The following TMEM237 variants were observed in gnomAD, a reference collection of about 807,000 sequenced individuals.
TMEM237 encodes amyotrophic lateral sclerosis 2 (juvenile) chromosome region, candidate 4.
A neutral mutation model predicts 59.1 loss-of-function variants in TMEM237; 51 were observed. The ratio of observed to expected loss-of-function variants is 0.86; its 90% CI spans 0.69 to 1.09. TMEM237 has a LOEUF of 1.09. TMEM237 is among the 50% of genes least tolerant of loss of function. TMEM237 has a pLI of 0.00. For missense variants in TMEM237, 475 were observed against 478.3 expected, an observed-to-expected ratio of 0.99 and a Z score of 0.06; for synonymous variants, 140 against 166.1, an observed-to-expected ratio of 0.84 and a Z score of 1.21.
In TMEM237 at chr2:201,633,398, G is replaced by C; in HGVS notation, c.308C>G (p.Ser103Cys). The change falls in exon 6 of 13, where the codon TCT (serine) becomes TGT (cysteine). Residue 103 changes from serine (S) to cysteine (C), a missense_variant. Ser to Cys is a moderately radical substitution (Grantham distance 112). Transcript: ENST00000409883. The part of the protein sequence containing the change: ...LETSSTQKKS[S>C]SSSLLRNENG... Reference sequence around the variant, plus strand: ...TTCATTTCGTAATAAAGATGAACTAGATGACTTCTTTTGGGTGGAGGAAGT... The same window carrying C: ...TTCATTTCGTAATAAAGATGAACTACATGACTTCTTTTGGGTGGAGGAAGT... 1 of 1,574,568 alleles carries C rather than the reference G, an allele frequency of 6.4e-7. No homozygotes were observed. The highest frequency in any genetic ancestry group is 8.6e-7 in the Non-Finnish European group (1 of 1,159,324).
Position 201,626,086 on chromosome 2 carries a change from G to A in TMEM237, c.1099C>T (p.Leu367Phe). Residue 367 changes from leucine to phenylalanine, a missense_variant, in exon 12 of 13, where the codon CTT becomes TTT. Coordinates refer to ENST00000409883, the MANE Select transcript of TMEM237 (RefSeq NM_001044385.3). ...AATAGCCAAGATAATCCAACCAGAA[G>A]AGCCACCACGAGATTCACCACAATC... Reference protein sequence around the residue: ...PWIVVNLVVALLVGLSWLFLS... With the variant: ...PWIVVNLVVAFLVGLSWLFLS... 6.2e-7 allele frequency: 1 copy of A among 1,608,572 alleles called. No homozygotes were observed. Among genetic ancestry groups the A allele is most frequent in the Non-Finnish European group, 8.5e-7 (1 of 1,177,358 alleles).
chr2:201,634,238 T>C (rs1192312442), intron 5 of TMEM237: 2 of 152,218 alleles, frequency 1.3e-5, no homozygotes, highest in Non-Finnish European at 2.9e-5. Flanking sequence ...TAAGTTTAAA[T>C]GAGTCAGTGA....
At chr2:201,640,985 A>T in intron 1 of TMEM237, 61 bp from the exon 2 acceptor site, 1 of 1,476,150 alleles carries the variant, frequency 6.8e-7, no homozygotes, top group Admixed American at 2.0e-5. Context: ...TACTTCAAAT[A>T]CCATCACGCT....
chr2:201,633,257 A>G, intron 6 of TMEM237, 54 bp downstream of exon 6: 1 of 1,543,728 alleles, frequency 6.5e-7, no homozygotes. Context: ...GGAGCTCCAA[A>G]CAAAGCATCA....
Position 201,626,949 on chromosome 2 carries a change from G to A in TMEM237, c.1037+372C>T, listed in dbSNP as rs968974390. Reference sequence around the variant, plus strand: ...ACAAAAATTAGCCAGGCATGATGGCGGGTGCCTGTAATCCCAGCTACTCAG... The same window carrying A: ...ACAAAAATTAGCCAGGCATGATGGCAGGTGCCTGTAATCCCAGCTACTCAG... On this transcript the variant is annotated intron_variant, in intron 11 of 12. Transcript: ENST00000409883. Among the ~76,000 whole-genome samples, 5 of 152,010 alleles carry A rather than the reference G, an allele frequency of 3.3e-5. No homozygotes were observed. In the East Asian group the frequency reaches 5.8e-4, roughly 18 times the overall value.
chr2:201,629,899 T>C, intron 7 of TMEM237, 47 bp from the exon 8 acceptor site: 1 of 1,579,048 alleles, frequency 6.3e-7, no homozygotes. Flanking sequence ...GAGAGAACCC[T>C]GGTAGCCATT....
chr2:201,639,668 C>T (rs1295615990), intron 3 of TMEM237, among the ~76,000 whole-genome samples: 3 of 152,232 alleles, frequency 2.0e-5, no homozygotes, highest in East Asian at 1.9e-4. Context: ...TGGTGGCACA[C>T]GCCTGTAATC....
At chr2:201,627,456 C>T (rs768941520) in intron 10 of TMEM237, 42 bp from the exon 11 acceptor site, 1 of 1,318,226 alleles carries the variant, frequency 7.6e-7, no homozygotes, top group African/African-American at 1.5e-5. Flanking sequence ...TTTTTAACAA[C>T]CTGGTTTATT....
intron 3 of TMEM237, 44 bp from the exon 4 acceptor site, chr2:201,639,089 T>C: frequency 6.6e-7 from 1 of 1,515,544 alleles, no homozygotes; most frequent in Non-Finnish European, 9.0e-7. Flanking sequence ...GTGCCTAAAA[T>C]TCAATGCAGA....
intron 4 of TMEM237, among the ~76,000 whole-genome samples, chr2:201,637,470 G>A (rs1687319967): frequency 1.3e-5 from 2 of 152,144 alleles, no homozygotes; most frequent in Admixed American, 1.3e-4. Flanking sequence ...TGCACTGGGT[G>A]CAGTGGCTCA....
chr2:201,631,449 A>AGTTAAAT (rs1295997821), intron 7 of TMEM237: 8 of 152,434 alleles, frequency 5.2e-5, no homozygotes, highest in African/African-American at 1.7e-4. Flanking sequence ...ATCTTGCAAA[A>AGTTAAAT]GAATATACAG....
chr2:201,641,127 G>A (rs1287157194), intron 1 of TMEM237, among the ~76,000 whole-genome samples: 2 of 152,080 alleles, frequency 1.3e-5, no homozygotes, highest in South Asian at 2.1e-4. Flanking sequence ...AAGTAGCTGG[G>A]ATTACAGGCA....
intron 11 of TMEM237, among the ~76,000 whole-genome samples, chr2:201,626,794 T>G (rs1957762874): frequency 6.6e-6 from 1 of 152,188 alleles, no homozygotes; most frequent in Non-Finnish European, 1.5e-5. Flanking sequence ...TTTAGAACTA[T>G]AACTTGGCTG....
chr2:201,621,981 A>G lies in TMEM237; in HGVS notation c.*2274T>C, dbSNP rs1484516812. ...ATCACAGTCAAACAATTTTTGAGAC[A>G]CACCAGAAACACCAGGGAAAACAGA... On this transcript the variant is annotated 3_prime_UTR_variant, in exon 13 of 13. Transcript: ENST00000409883. 1 of 152,244 alleles carries G rather than the reference A, an allele frequency of 6.6e-6. No homozygotes were observed. Among genetic ancestry groups the G allele is most frequent in the African/African-American group, 2.4e-5 (1 of 41,452 alleles). 9.4% of individuals were successfully genotyped at this position (152,244 alleles called of 1,614,324 possible).
At chr2:201,639,968 C>T (rs989195705) in intron 3 of TMEM237, among the ~76,000 whole-genome samples, 1 of 152,150 alleles carries the variant, frequency 6.6e-6, no homozygotes, top group Non-Finnish European at 1.5e-5. Flanking sequence ...ACCTTGTCTA[C>T]CCTGACTAAA....
At chr2:201,634,997 G>T (rs2105901561) in intron 5 of TMEM237, 1 of 217,080 alleles carries the variant, frequency 4.6e-6, no homozygotes, top group South Asian at 6.5e-5. Context: ...CCTGAGTTTT[G>T]CTCCAATACA....
At chr2:201,631,927 GT>G in intron 7 of TMEM237, 123 bp downstream of exon 7, 1 of 1,019,318 alleles carries the variant, frequency 9.8e-7, no homozygotes, top group Non-Finnish European at 1.4e-6. Context: ...ATGATGACCA[GT>G]TTTGTGTATA....
At position 201,638,992 on chromosome 2, in the gene TMEM237, G is replaced by T; in HGVS notation, c.133C>A (p.Pro45Thr). Reference sequence around the variant, plus strand: ...ACAACAAAGAATAACGTCTTACCTGGTGTGTTTTTTGTTCTGGGCTTCTTT... The same window carrying T: ...ACAACAAAGAATAACGTCTTACCTGTTGTGTTTTTTGTTCTGGGCTTCTTT... ...KKKKPRTKNT[P>T]ASASLEGLAQ... Residue 45 changes from proline to threonine, a missense_variant, in exon 4 of 13, where the codon CCA becomes ACA. Coordinates refer to ENST00000409883, the MANE Select transcript of TMEM237 (RefSeq NM_001044385.3). 6.3e-7 allele frequency: 1 copy of T among 1,581,772 alleles called. No individual in the cohort carries two copies. The highest frequency in any genetic ancestry group is 2.3e-5 in the East Asian group (1 of 44,052).
At chr2:201,638,012 T>C (rs935831813) in intron 4 of TMEM237, among the ~76,000 whole-genome samples, 12 of 152,212 alleles carry the variant, frequency 7.9e-5, no homozygotes, top group Non-Finnish European at 1.8e-4. Context: ...ATCCTGCACC[T>C]AGCAATTCCA....
Sources: gnomAD v4.1 joint callset for allele counts (sites outside exome capture counted in the v4.1 genomes callset) on GRCh38, gnomAD v4.1.1 for gene constraint, MANE v1.5 for transcripts, NCBI Gene and HGNC (gene_info 2026-07-23, HGNC 2026-07-21) for gene names.